The following SDF2L1 variants were observed in gnomAD, a reference collection of about 807,000 sequenced individuals.
SDF2L1 encodes stromal cell-derived factor 2-like protein 1.
Under a neutral mutation model 19.4 loss-of-function variants are expected in SDF2L1, and 18 were observed. The observed-to-expected ratio is 0.93, with a 90% CI of 0.64 to 1.38. The LOEUF (loss-of-function observed/expected upper bound fraction) is 1.38. SDF2L1 is among the 40% of genes most tolerant of loss of function. SDF2L1 has a pLI of 0.00. For synonymous variants in SDF2L1, 161 were observed against 148.9 expected (o/e 1.08, Z -0.59); for missense variants, 263 against 319.4 (o/e 0.82, Z 1.35).
Position 21,642,937 on chromosome 22 carries a change from C to CG in SDF2L1, c.265dup (p.Glu89GlyfsTer69), listed in dbSNP as rs1405798985. On this transcript the variant is annotated frameshift_variant, in exon 2 of 3. Coordinates refer to ENST00000248958, the MANE Select transcript of SDF2L1 (RefSeq NM_022044.3). LOFTEE classifies it high-confidence loss of function. ...AGCTACTGGCGGATCCGCGGCGGCT[C>CG]GGAGGGCGGGTGCCCGCGCGGGTCC... The CG allele has an allele frequency of 6.3e-7, 1 of 1,579,438 alleles. No individual in the cohort carries two copies.
In SDF2L1 at chr22:21,644,162, A is replaced by T. The variant is rs1156361777; in HGVS notation, c.653A>T (p.His218Leu). The stretch of plus-strand genomic sequence containing the variant: ...CCTAGTGTGGAGCCCTCTGCAGGTC[A>T]CGATGAACTCTGAGTGTGTGGATGG... ...IKPSVEPSAG[H>L]DEL The change falls in exon 3 of 3, where the codon CAC becomes CTC. Residue 218 changes from histidine to leucine, a missense_variant. Transcript: ENST00000248958. 6.2e-7 allele frequency: 1 copy of T among 1,613,966 alleles called. No homozygotes were observed. The highest frequency in any genetic ancestry group is 1.1e-5 in the South Asian group (1 of 91,082).
chr22:21,643,824 G>A (rs373948902), intron 2 of SDF2L1, 70 bp from the exon 3 acceptor site: 1 of 1,476,196 alleles, frequency 6.8e-7, no homozygotes, highest in African/African-American at 1.4e-5. Context: ...AAGAACCCGA[G>A]GCTCGGTGTA....
intron 2 of SDF2L1, 48 bp downstream of exon 2, chr22:21,643,106 G>A: frequency 6.5e-7 from 1 of 1,539,200 alleles, no homozygotes; most frequent in Non-Finnish European, 8.8e-7. Context: ...CTGTGTGAGG[G>A]GCCAGAGACA....
Position 21,642,323 on chromosome 22 carries a change from G to T in SDF2L1, c.-14G>T. 7.4e-7 allele frequency: 1 copy of T among 1,343,462 alleles called. No individual in the cohort carries two copies. The highest frequency in any genetic ancestry group is 9.5e-7 in the Non-Finnish European group (1 of 1,055,178). 83.2% of individuals were successfully genotyped at this position (1,343,462 alleles called of 1,614,324 possible). A position where few individuals can be genotyped will look rare whatever the true frequency, so the allele number is the denominator to read the frequency against. On this transcript the variant is annotated 5_prime_UTR_variant, in exon 1 of 3. Coordinates refer to ENST00000248958, the MANE Select transcript of SDF2L1 (RefSeq NM_022044.3). ...CGGCCCCTGGGCCCGAGGGGCTGGAGCCGGGCCGGGGCGATGTGGAGCGCG... is the reference window on the plus strand; with the variant it reads ...CGGCCCCTGGGCCCGAGGGGCTGGATCCGGGCCGGGGCGATGTGGAGCGCG...
At position 21,642,419 on chromosome 22, in the gene SDF2L1, C is replaced by T. The variant is rs1490232059; in HGVS notation, c.83C>T (p.Ala28Val). ...GCGCTGTTAGTGCCGGGCGGTGGTGCCGCCAAGACCGGTGCGGAGCTCGTG... is the reference window on the plus strand; with the variant it reads ...GCGCTGTTAGTGCCGGGCGGTGGTGTCGCCAAGACCGGTGCGGAGCTCGTG... ...LLALLVPGGG[A>V]AKTGAELVTC... is the part of the protein sequence containing the mutation. The change falls in exon 1 of 3, where the codon GCC becomes GTC. Residue 28 changes from alanine (A) to valine (V), a missense_variant. By Grantham distance (64) the Ala-to-Val change is moderately conservative (BLOSUM62 0). Coordinates refer to ENST00000248958, the MANE Select transcript of SDF2L1 (RefSeq NM_022044.3). The T allele has an allele frequency of 1.4e-6, 2 of 1,457,138 alleles. No homozygotes were observed. Among genetic ancestry groups the T allele is most frequent in the Non-Finnish European group, 9.0e-7 (1 of 1,114,576 alleles). 90.3% of individuals were successfully genotyped at this position (1,457,138 alleles called of 1,614,324 possible). A position where few individuals can be genotyped will look rare whatever the true frequency, so the allele number is the denominator to read the frequency against.
At chr22:21,643,278 G>A in intron 2 of SDF2L1, 1 of 611,400 alleles carries the variant, frequency 1.6e-6, no homozygotes, top group Non-Finnish European at 2.9e-6. Flanking sequence ...AGAGAGATCC[G>A]GAGAGATACG....
At position 21,643,826 on chromosome 22, in the gene SDF2L1, C is replaced by T. The variant is rs976547424; in HGVS notation, c.385-68C>T. ...AGGAAGGGTAGGGAAGAACCCGAGG[C>T]TCGGTGTACTAGGTGCGAATGCCGC... On this transcript the variant is annotated intron_variant, in intron 2 of 2. Coordinates refer to ENST00000248958, the MANE Select transcript of SDF2L1 (RefSeq NM_022044.3). The T allele has an allele frequency of 5.4e-6, 8 of 1,482,198 alleles. No individual in the cohort carries two copies. The Admixed American group carries it at 1.4e-4, about 26-fold the overall frequency. The allele number at this position is 1,482,198 out of a possible 1,614,324, so 91.8% of individuals were successfully genotyped here.
Position 21,644,180 on chromosome 22 carries a change from G to A in SDF2L1, c.*5G>A, listed in dbSNP as rs200476439. ...GCAGGTCACGATGAACTCTGAGTGTGTGGATGGATGGGTGGATGGAGGGTG... is the reference window on the plus strand; with the variant it reads ...GCAGGTCACGATGAACTCTGAGTGTATGGATGGATGGGTGGATGGAGGGTG... On this transcript the variant is annotated 3_prime_UTR_variant, in exon 3 of 3. Transcript: ENST00000248958. 5 of 1,611,074 alleles carry A rather than the reference G, an allele frequency of 3.1e-6. No homozygotes were observed. In the African/African-American group the frequency reaches 5.3e-5, roughly 17 times the overall value.
chr22:21,642,686 G>A (rs185646175), intron 1 of SDF2L1, among the ~76,000 whole-genome samples, 163 bp downstream of exon 1: 1,727 of 151,154 alleles, frequency 0.011, 22 homozygotes, highest in South Asian at 0.032. Context: ...GGGTGTCGAG[G>A]ATATTGAGGG....
Position 21,644,215 on chromosome 22 carries a change from G to T in SDF2L1, c.*40G>T, listed in dbSNP as rs1430777062. 1.9e-6 allele frequency: 3 copies of T among 1,602,994 alleles called. No individual in the cohort carries two copies. The South Asian group carries it at 3.3e-5, about 18-fold the overall frequency. ...GGGTGGATGGAGGGTGGCAGGTGGG[G>T]CGTCTGCAGGGCCACTCTTGGCAGA... On this transcript the variant is annotated 3_prime_UTR_variant, in exon 3 of 3. Coordinates refer to ENST00000248958, the MANE Select transcript of SDF2L1 (RefSeq NM_022044.3).
At position 21,642,605 on chromosome 22, in the gene SDF2L1, C is replaced by A. The variant is rs530111204; in HGVS notation, c.187+82C>A. The A allele has an allele frequency of 4.8e-5, 70 of 1,454,480 alleles. No homozygotes were observed. In the African/African-American group the frequency reaches 5.5e-4, roughly 11 times the overall value. The allele number at this position is 1,454,480 out of a possible 1,614,324, so 90.1% of individuals were successfully genotyped here. ...GTGGAGACAGGGTGGTCATGGGGGT[C>A]TGTGGGCCGTCTGGAAGCCGGGCGG... On this transcript the variant is annotated intron_variant, in intron 1 of 2. Transcript: ENST00000248958.
intron 1 of SDF2L1, 79 bp downstream of exon 1, chr22:21,642,602 G>T: frequency 6.8e-7 from 1 of 1,465,278 alleles, no homozygotes; most frequent in Non-Finnish European, 9.0e-7. Flanking sequence ...TGGTCATGGG[G>T]GTCTGTGGGC....
In SDF2L1 at chr22:21,642,429, C is replaced by T. The variant is rs752633409; in HGVS notation, c.93C>T (p.Thr31=). ...LLVPGGGAAK[T]GAELVTCGSV... ...TGCCGGGCGGTGGTGCCGCCAAGAC[C>T]GGTGCGGAGCTCGTGACCTGCGGGT... Residue 31 remains threonine, a synonymous_variant, in exon 1 of 3, where the codon ACC becomes ACT. Transcript: ENST00000248958. 2 of 1,470,124 alleles carry T rather than the reference C, an allele frequency of 1.4e-6. No individual in the cohort carries two copies. Among genetic ancestry groups the T allele is most frequent in the East Asian group, 2.9e-5 (1 of 34,560 alleles). The allele number at this position is 1,470,124 out of a possible 1,614,324, so 91.1% of individuals were successfully genotyped here.
At position 21,642,381 on chromosome 22, in the gene SDF2L1, G is replaced by A. The variant is rs2148471903; in HGVS notation, c.45G>A (p.Leu15=). The A allele has an allele frequency of 2.8e-6, 4 of 1,442,808 alleles. 1 individual carries two copies. The South Asian group carries it at 6.0e-5, about 22-fold the overall frequency. 89.4% of individuals were successfully genotyped at this position (1,442,808 alleles called of 1,614,324 possible). Residue 15 remains leucine, a synonymous_variant, in exon 1 of 3, where the codon TTG becomes TTA. Coordinates refer to ENST00000248958, the MANE Select transcript of SDF2L1 (RefSeq NM_022044.3). ...GCGGGGCTGCCTGGCCGGTGCTGTT[G>A]GGGCTGCTGCTGGCGCTGTTAGTGC... The part of the protein sequence containing the change: ...GRGGAAWPVL[L]GLLLALLVPG...
rs374972295 is a variant in SDF2L1, at chr22:21,644,176, GTGTGTGGATGGA to G, written c.*4_*15del. The G allele has an allele frequency of 5.6e-6, 9 of 1,612,148 alleles. No individual in the cohort carries two copies. In the East Asian group the frequency reaches 2.0e-4, roughly 36 times the overall value. On this transcript the variant is annotated 3_prime_UTR_variant, in exon 3 of 3. Transcript: ENST00000248958. ...CTCTGCAGGTCACGATGAACTCTGA[GTGTGTGGATGGA>G]TGGGTGGATGGAGGGTGGCAGGTGG...
At chr22:21,643,302 TC>T (rs11306247) in intron 2 of SDF2L1, 120,634 of 586,804 alleles carry the variant, frequency 0.21, 14,431 homozygotes, top group Admixed American at 0.37. Context: ...GGATAGCTCT[TC>T]CTCTGGTGGC....
chr22:21,642,538 C>T lies in SDF2L1; in HGVS notation c.187+15C>T. ...ATACGGATCCGGTGCGTGGGGCCAG[C>T]GACTGGGAGAGCGCGGGGAACCGGG... On this transcript the variant is annotated intron_variant, in intron 1 of 2. Transcript: ENST00000248958. The T allele has an allele frequency of 6.6e-7, 1 of 1,509,532 alleles. No individual in the cohort carries two copies. Among genetic ancestry groups the T allele is most frequent in the East Asian group, 2.6e-5 (1 of 38,760 alleles). 93.5% of individuals were successfully genotyped at this position (1,509,532 alleles called of 1,614,324 possible).
rs1290767968 is a variant in SDF2L1 at position 21,642,411 on chromosome 22, C to A, written c.75C>A (p.Gly25=). The A allele has an allele frequency of 2.1e-6, 3 of 1,455,482 alleles. No individual in the cohort carries two copies. Among genetic ancestry groups the A allele is most frequent in the Middle Eastern group, 4.5e-4 (2 of 4,416 alleles). The allele number at this position is 1,455,482 out of a possible 1,614,324, so 90.2% of individuals were successfully genotyped here. ...TGCTGCTGGCGCTGTTAGTGCCGGGCGGTGGTGCCGCCAAGACCGGTGCGG... is the reference window on the plus strand; with the variant it reads ...TGCTGCTGGCGCTGTTAGTGCCGGGAGGTGGTGCCGCCAAGACCGGTGCGG... ...LGLLLALLVP[G]GGAAKTGAEL... The change falls in exon 1 of 3, where the codon GGC becomes GGA. Residue 25 remains glycine (G), a synonymous_variant. Coordinates refer to ENST00000248958, the MANE Select transcript of SDF2L1 (RefSeq NM_022044.3).
intron 2 of SDF2L1, 93 bp downstream of exon 2, chr22:21,643,151 C>A: frequency 7.1e-7 from 1 of 1,416,810 alleles, no homozygotes; most frequent in South Asian, 1.3e-5. Context: ...TCAGCTTCTT[C>A]GTGAAATGGA....
Sources: gnomAD v4.1 joint callset for allele counts (sites outside exome capture counted in the v4.1 genomes callset) on GRCh38, gnomAD v4.1.1 for gene constraint, MANE v1.5 for transcripts, NCBI Gene and HGNC (gene_info 2026-07-23, HGNC 2026-07-21) for gene names.